Variants in RBFOX3 observed in about 807,000 individuals in gnomAD.
RBFOX3 encodes the protein RNA binding protein fox-1 homolog 3.
Under a neutral mutation model 48.7 loss-of-function variants are expected in RBFOX3, and 17 were observed. The ratio of observed to expected loss-of-function variants is 0.35; its 90% CI spans 0.24 to 0.52. RBFOX3 has a LOEUF of 0.52. Ranked by LOEUF, RBFOX3 falls within the 20% of genes least tolerant of loss-of-function variation. The pLI is 0.94. For synonymous variants in RBFOX3, 212 were observed against 209.5 expected (o/e 1.01, Z -0.10); for missense variants, 382 against 497.5 (o/e 0.77, Z 2.21).
At chr17:79,425,362 G>C (rs1251528493) in intron 2 of RBFOX3, among the ~76,000 whole-genome samples, 1 of 151,972 alleles carries the variant, frequency 6.6e-6, no homozygotes, top group Non-Finnish European at 1.5e-5. Flanking sequence ...TGTGGCCCCA[G>C]TGCTCACTGG....
At chr17:79,301,816 C>A (rs141086755) in intron 3 of RBFOX3, among the ~76,000 whole-genome samples, 33 of 152,286 alleles carry the variant, frequency 2.2e-4, no homozygotes, top group East Asian at 1.9e-3. Context: ...TGTGAATGAG[C>A]CCCGAAGATC....
intron 4 of RBFOX3, among the ~76,000 whole-genome samples, chr17:79,141,802 C>T (rs915232860): frequency 8.5e-5 from 13 of 152,088 alleles, no homozygotes; most frequent in Non-Finnish European, 1.6e-4. Context: ...GACACAGTGC[C>T]CCCCGGTCGC....
chr17:79,253,852 G>A (rs553685980), intron 3 of RBFOX3, among the ~76,000 whole-genome samples: 2 of 152,308 alleles, frequency 1.3e-5, no homozygotes, highest in African/African-American at 4.8e-5. Context: ...CCCAGCAATG[G>A]TCCACGGGGT....
At chr17:79,628,483 C>T in the RBFOX3 span, among the ~76,000 whole-genome samples, 103 of 152,250 alleles carry the variant, frequency 6.8e-4, no homozygotes, top group African/African-American at 2.3e-3. Context: ...ATGACGTGCC[C>T]GGGTTTAGAC....
At chr17:79,658,912 G>C in the RBFOX3 span, among the ~76,000 whole-genome samples, 1 of 152,178 alleles carries the variant, frequency 6.6e-6, no homozygotes, top group East Asian at 1.9e-4. Flanking sequence ...TCCTGCACTG[G>C]GATAGTGTAG....
chr17:79,559,024 G>A (rs959412911), intron 1 of RBFOX3, among the ~76,000 whole-genome samples: 1 of 152,120 alleles, frequency 6.6e-6, no homozygotes, highest in Admixed American at 6.5e-5. Flanking sequence ...TCCCCACCAG[G>A]AGACCCTGGG....
At chr17:79,351,316 T>C (rs928707212) in intron 2 of RBFOX3, among the ~76,000 whole-genome samples, 1 of 152,222 alleles carries the variant, frequency 6.6e-6, no homozygotes, top group Non-Finnish European at 1.5e-5. Flanking sequence ...TCTGTATAGC[T>C]TTTTGAGACA....
At chr17:79,184,302 G>A (rs2052940111) in intron 4 of RBFOX3, among the ~76,000 whole-genome samples, 2 of 152,176 alleles carry the variant, frequency 1.3e-5, no homozygotes, top group South Asian at 4.1e-4. Context: ...GGGGGTGGGG[G>A]ACACGGGCAC....
At chr17:79,589,177 A>G (rs2093346686) in intron 1 of RBFOX3, among the ~76,000 whole-genome samples, 1 of 152,238 alleles carries the variant, frequency 6.6e-6, no homozygotes, top group African/African-American at 2.4e-5. Context: ...AGGACTGCAC[A>G]CTGGCGGCCA....
At chr17:79,459,951 G>A (rs945402352) in intron 2 of RBFOX3, among the ~76,000 whole-genome samples, 4 of 152,128 alleles carry the variant, frequency 2.6e-5, no homozygotes, top group Admixed American at 6.6e-5. Context: ...TCCAAGCAGC[G>A]GAAGATTACT....
chr17:79,627,177 T>G, the RBFOX3 span, among the ~76,000 whole-genome samples: 1 of 152,186 alleles, frequency 6.6e-6, no homozygotes, highest in Non-Finnish European at 1.5e-5. Flanking sequence ...CTGAGGAGCC[T>G]GGTCTGTTAT....
intron 2 of RBFOX3, among the ~76,000 whole-genome samples, chr17:79,474,146 G>A (rs1032153857): frequency 5.9e-5 from 9 of 151,784 alleles, no homozygotes; most frequent in African/African-American, 1.2e-4. Flanking sequence ...AAGAAATTCC[G>A]GAATCACATC....
intron 12 of RBFOX3, 29 bp downstream of exon 12, chr17:79,096,624 A>T (rs1448258090): frequency 2.2e-6 from 2 of 916,594 alleles, no homozygotes; most frequent in East Asian, 3.2e-5. Flanking sequence ...GCCTGATCCC[A>T]CCCTCCCTCC....
intron 4 of RBFOX3, among the ~76,000 whole-genome samples, chr17:79,191,816 G>A (rs997501431): frequency 4.6e-5 from 7 of 152,196 alleles, no homozygotes; most frequent in African/African-American, 1.7e-4. Flanking sequence ...CCAGATAAGA[G>A]TTCCTTTCTC....
intron 14 of RBFOX3, among the ~76,000 whole-genome samples, chr17:79,093,558 A>T (rs2074439210): frequency 6.6e-6 from 1 of 151,848 alleles, no homozygotes; most frequent in Non-Finnish European, 1.5e-5. Flanking sequence ...GAAAAAAAAA[A>T]AAAAAATTGG....
chr17:79,179,449 C>T lies in RBFOX3; in HGVS notation c.-34+56317G>A, dbSNP rs916616597. Among the ~76,000 whole-genome samples the T allele has an allele frequency of 3.9e-5, 6 of 152,156 alleles. No individual in the cohort carries two copies. In the South Asian group the frequency reaches 6.2e-4, roughly 16 times the overall value. ...TGATTTCACCTTGATTGAGCACACA[C>T]GGAGAGCAAAAGCAACGGAATTCAC... On this transcript the variant is annotated intron_variant, in intron 4 of 14. Coordinates refer to ENST00000693108, the MANE Select transcript of RBFOX3 (RefSeq NM_001350451.2).
chr17:79,475,130 C>T (rs1349438979), intron 2 of RBFOX3, among the ~76,000 whole-genome samples: 3 of 152,070 alleles, frequency 2.0e-5, no homozygotes, highest in African/African-American at 7.2e-5. Context: ...TTCTCAAGTC[C>T]GATCTCAGCA....
chr17:79,144,422 C>T (rs927564598), intron 4 of RBFOX3, among the ~76,000 whole-genome samples: 1 of 152,214 alleles, frequency 6.6e-6, no homozygotes, highest in Non-Finnish European at 1.5e-5. Context: ...AGGTCCCTCC[C>T]CAAGCCTCCT....
intron 1 of RBFOX3, among the ~76,000 whole-genome samples, chr17:79,606,025 C>T (rs2093821987): frequency 6.6e-6 from 1 of 152,242 alleles, no homozygotes; most frequent in Non-Finnish European, 1.5e-5. Flanking sequence ...TATCCCCTGA[C>T]TGCAGAGCCT....
Sources: gnomAD v4.1 joint callset for allele counts (sites outside exome capture counted in the v4.1 genomes callset) on GRCh38, gnomAD v4.1.1 for gene constraint, MANE v1.5 for transcripts, NCBI Gene and HGNC (gene_info 2026-07-23, HGNC 2026-07-21) for gene names.